NUP98: variants seen among roughly 807,000 people sequenced by gnomAD.
NUP98 encodes nuclear pore complex protein Nup98-Nup96.
In NUP98, 26 loss-of-function variants were observed where a neutral mutation model predicts 191.9. That is an observed-to-expected ratio of 0.14 (90% CI 0.10 to 0.19). NUP98 has a LOEUF of 0.19. NUP98 is among the 10% of genes least tolerant of loss of function. NUP98 has a pLI of 1.00. For synonymous variants in NUP98, 808 were observed against 778.4 expected (o/e 1.04, Z -0.63); for missense variants, 1,941 against 2,178.8 (o/e 0.89, Z 2.17).
chr11:3,756,240 C>G (rs948309976), intron 10 of NUP98, among the ~76,000 whole-genome samples: 2 of 152,158 alleles, frequency 1.3e-5, no homozygotes, highest in Non-Finnish European at 2.9e-5. Flanking sequence ...CTATCTCAAA[C>G]CCACAGAAGG....
In NUP98 at chr11:3,783,910, A is replaced by G. The variant is rs568134722; in HGVS notation, c.-28-1765T>C. On this transcript the variant is annotated intron_variant, in intron 1 of 32. Transcript: ENST00000324932. ...AAAAAAAAATAAATAAAATAAAAAT[A>G]AAAAATAGCTTCATAGTTTACTCAG... 2.0e-5 allele frequency among the ~76,000 whole-genome samples: 3 copies of G among 152,276 alleles called. No individual in the cohort carries two copies. The South Asian group carries it at 6.2e-4, about 32-fold the overall frequency.
chr11:3,712,007 C>T lies in NUP98; in HGVS notation c.2742+557G>A, dbSNP rs900965771. The T allele has an allele frequency of 5.7e-6, 6 of 1,048,720 alleles. No individual in the cohort carries two copies. In the East Asian group the frequency reaches 3.3e-4, roughly 58 times the overall value. The allele number at this position is 1,048,720 out of a possible 1,614,324, so 65.0% of individuals were successfully genotyped here. A position where few individuals can be genotyped will look rare whatever the true frequency, so the allele number is the denominator to read the frequency against. On this transcript the variant is annotated intron_variant, in intron 20 of 32. Coordinates refer to ENST00000324932, the MANE Select transcript of NUP98 (RefSeq NM_016320.5). ...AGTAATTGCGATAAACAATGTAGGC[C>T]CTAATCTCCCCAAGCCAAATAATAA... is the stretch of plus-strand genomic sequence containing the variant.
At chr11:3,743,169 C>T (rs1564872556) in intron 12 of NUP98, among the ~76,000 whole-genome samples, 1 of 151,650 alleles carries the variant, frequency 6.6e-6, no homozygotes, top group South Asian at 2.1e-4. Context: ...CATGCACATG[C>T]CATCATGCCC....
chr11:3,753,153 C>T (rs937598582), intron 11 of NUP98, among the ~76,000 whole-genome samples, 163 bp downstream of exon 11: 13 of 152,126 alleles, frequency 8.5e-5, no homozygotes, highest in African/African-American at 3.1e-4. Flanking sequence ...TATTTTAAAG[C>T]CTGGTAAAGC....
At position 3,699,056 on chromosome 11, in the gene NUP98, A is replaced by C. The variant is rs748537044; in HGVS notation, c.4009+26T>G. On this transcript the variant is annotated intron_variant, in intron 25 of 32. Coordinates refer to ENST00000324932, the MANE Select transcript of NUP98 (RefSeq NM_016320.5). ...GTGAGTAGGAAGGCGACAGAGGCGC[A>C]GAGAAGGACCATATGCCTTCCCCAC... 1.9e-6 allele frequency: 3 copies of C among 1,607,944 alleles called. No homozygotes were observed. The Admixed American group carries it at 5.0e-5, about 27-fold the overall frequency.
At chr11:3,764,034 G>A (rs901939841) in intron 8 of NUP98, among the ~76,000 whole-genome samples, 1 of 152,166 alleles carries the variant, frequency 6.6e-6, no homozygotes, top group African/African-American at 2.4e-5. Flanking sequence ...CTCATTTACA[G>A]TGGACTATTC....
intron 7 of NUP98, among the ~76,000 whole-genome samples, chr11:3,770,547 T>TTGTG (rs34103771): frequency 0.022 from 3,279 of 147,046 alleles, 95 homozygotes; most frequent in African/African-American, 0.067. Flanking sequence ...AAATACGTAT[T>TTGTG]TGTGTGTGTG....
At chr11:3,763,588 C>A (rs565900181) in intron 8 of NUP98, among the ~76,000 whole-genome samples, 1 of 152,106 alleles carries the variant, frequency 6.6e-6, no homozygotes. Context: ...TACGGAGTTT[C>A]GTTCTGTTGC....
chr11:3,777,135 T>C (rs1027405872), intron 4 of NUP98, among the ~76,000 whole-genome samples: 4 of 152,162 alleles, frequency 2.6e-5, no homozygotes, highest in African/African-American at 7.2e-5. Flanking sequence ...TATAGGTTAA[T>C]GTAAAATTTC....
At chr11:3,686,408 G>A (rs2078134150) in intron 28 of NUP98, among the ~76,000 whole-genome samples, 1 of 152,168 alleles carries the variant, frequency 6.6e-6, no homozygotes, top group South Asian at 2.1e-4. Context: ...CTCTTCTAAG[G>A]TTGTGTGATC....
At chr11:3,696,300 G>A (rs1254751690) in intron 25 of NUP98, among the ~76,000 whole-genome samples, 1 of 152,158 alleles carries the variant, frequency 6.6e-6, no homozygotes, top group African/African-American at 2.4e-5. Context: ...TCAGGAGTTC[G>A]AGACCAACCT....
intron 8 of NUP98, 128 bp downstream of exon 8, chr11:3,768,452 CT>C (rs2081411964): frequency 8.0e-6 from 7 of 877,042 alleles, no homozygotes; most frequent in Non-Finnish European, 1.1e-5. Flanking sequence ...GTTCTCTTCC[CT>C]TCATTAAATA....
At chr11:3,781,961 A>AAG in intron 2 of NUP98, 81 bp downstream of exon 2, 1 of 848,698 alleles carries the variant, frequency 1.2e-6, no homozygotes, top group Non-Finnish European at 1.9e-6. Flanking sequence ...TAAAATTCCC[A>AAG]CCTAAAGCTT....
At chr11:3,677,215 C>G (rs941796721) in intron 31 of NUP98, among the ~76,000 whole-genome samples, 1 of 152,130 alleles carries the variant, frequency 6.6e-6, no homozygotes, top group African/African-American at 2.4e-5. Context: ...GACTGGAGGA[C>G]CAAGAGAGGC....
chr11:3,732,792 T>C (rs1482654741), intron 13 of NUP98, among the ~76,000 whole-genome samples: 3 of 152,214 alleles, frequency 2.0e-5, no homozygotes, highest in Non-Finnish European at 4.4e-5. Flanking sequence ...TAACAATGTC[T>C]AGCATATCTA....
At chr11:3,718,095 G>C (rs2079251433) in intron 18 of NUP98, among the ~76,000 whole-genome samples, 1 of 152,208 alleles carries the variant, frequency 6.6e-6, no homozygotes, top group Non-Finnish European at 1.5e-5. Flanking sequence ...GAATGAGTGT[G>C]AAAGTATTCC....
intron 10 of NUP98, 45 bp downstream of exon 10, chr11:3,760,494 T>C (rs1322129726): frequency 6.2e-7 from 1 of 1,613,928 alleles, no homozygotes; most frequent in Non-Finnish European, 8.5e-7. Context: ...GTACCAAAAT[T>C]AGAAGTGTTT....
intron 6 of NUP98, among the ~76,000 whole-genome samples, chr11:3,772,429 TACA>T (rs1320922799): frequency 7.2e-5 from 11 of 152,164 alleles, no homozygotes; most frequent in Non-Finnish European, 1.3e-4. Context: ...TATCAAAATG[TACA>T]ACAACCTACT....
chr11:3,683,815 G>T (rs556376423), intron 29 of NUP98, among the ~76,000 whole-genome samples: 1 of 152,070 alleles, frequency 6.6e-6, no homozygotes, highest in African/African-American at 2.4e-5. Context: ...CAGGATTACA[G>T]GCGTGAGCCA....
Sources: allele counts gnomAD v4.1 joint callset (sites outside exome capture counted in the v4.1 genomes callset), GRCh38; gene constraint gnomAD v4.1.1; transcripts MANE v1.5; gene names NCBI Gene and HGNC (gene_info 2026-07-23, HGNC 2026-07-21).